HIPK2: variants seen among roughly 807,000 people sequenced by gnomAD.
HIPK2 encodes the protein homeodomain-interacting protein kinase 2.
A neutral mutation model predicts 113.7 loss-of-function variants in HIPK2; 27 were observed. The ratio of observed to expected loss-of-function variants is 0.24; its 90% CI spans 0.17 to 0.33. The LOEUF (loss-of-function observed/expected upper bound fraction) is 0.33, where lower values mean the gene tolerates loss of function less well. Ranked by LOEUF, HIPK2 falls within the 10% of genes least tolerant of loss-of-function variation. The pLI is 1.00. For missense variants in HIPK2, 1,257 were observed against 1,588.0 expected (o/e 0.79, Z 3.54); for synonymous variants, 631 against 642.2 (o/e 0.98, Z 0.26).
intron 1 of HIPK2, among the ~76,000 whole-genome samples, chr7:139,748,198 C>T (rs931236664): frequency 6.6e-6 from 1 of 152,302 alleles, no homozygotes; most frequent in East Asian, 1.9e-4. Context: ...ATCTGAGCCG[C>T]TTCTCTGCTT....
At position 139,573,020 on chromosome 7, in the gene HIPK2, G is replaced by A; in HGVS notation, c.3504C>T (p.Ala1168=). 1 of 1,612,646 alleles carries A rather than the reference G, an allele frequency of 6.2e-7. No individual in the cohort carries two copies. The highest frequency in any genetic ancestry group is 8.5e-7 in the Non-Finnish European group (1 of 1,179,478). The change falls in exon 15 of 15, where the codon GCC becomes GCT. Residue 1168 remains alanine (A), a synonymous_variant. Transcript: ENST00000406875. ...IHPSQYPAQF[A]HQTYISASPA... is the part of the protein sequence containing the mutation. ...GCGAGGCGCTGATGTAGGTCTGGTG[G>A]GCAAATTGGGCTGGATACTGACTCG... is the stretch of plus-strand genomic sequence containing the variant.
At chr7:139,681,637 T>C (rs1180355511) in intron 2 of HIPK2, among the ~76,000 whole-genome samples, 1 of 152,138 alleles carries the variant, frequency 6.6e-6, no homozygotes, top group Non-Finnish European at 1.5e-5. Flanking sequence ...ACTTTTGCTG[T>C]ACAAGAAAAT....
At chr7:139,760,879 T>C (rs896899685) in intron 1 of HIPK2, among the ~76,000 whole-genome samples, 4 of 152,190 alleles carry the variant, frequency 2.6e-5, no homozygotes, top group African/African-American at 9.7e-5. Context: ...CAAGATGAGC[T>C]TGGGGCATTT....
Position 139,631,081 on chromosome 7 carries a change from T to A in HIPK2, c.1347+84A>T. ...CAGTGCCCTCATTTTGCTGACTGAA[T>A]CAAAAGCTCCCCACTAATGGGTCTA... On this transcript the variant is annotated intron_variant, in intron 4 of 14. Coordinates refer to ENST00000406875, the MANE Select transcript of HIPK2 (RefSeq NM_022740.5). The surrounding 1 kb of genome is among the most constrained non-coding windows in gnomAD (Gnocchi z 4.9). The A allele has an allele frequency of 6.7e-7, 1 of 1,499,626 alleles. No individual in the cohort carries two copies. Among genetic ancestry groups the A allele is most frequent in the African/African-American group, 1.4e-5 (1 of 71,144 alleles). 92.9% of individuals were successfully genotyped at this position (1,499,626 alleles called of 1,614,324 possible).
Position 139,613,302 on chromosome 7 carries a change from T to C in HIPK2, c.2012A>G (p.Lys671Arg). Reference sequence around the variant, plus strand: ...CATTCGCACCGAGTAGCCAGCGTGCTTAGAGGGAGAGGCCTGCAAGCCTGT... The same window carrying C: ...CATTCGCACCGAGTAGCCAGCGTGCCTAGAGGGAGAGGCCTGCAAGCCTGT... ...GFQGLQASPS[K>R]HAGYSVRMEN... Residue 671 changes from lysine to arginine, a missense_variant, in exon 9 of 15, where the codon AAG becomes AGG. This residue lies in a region of HIPK2 where 862 missense variants were observed against 1,004.3 expected (regional missense o/e 0.86). Coordinates refer to ENST00000406875, the MANE Select transcript of HIPK2 (RefSeq NM_022740.5). This position sits in a 1 kb window ranked among gnomAD's most constrained non-coding sequence, Gnocchi z 4.2. 1 of 1,613,552 alleles carries C rather than the reference T, an allele frequency of 6.2e-7. No individual in the cohort carries two copies.
intron 2 of HIPK2, among the ~76,000 whole-genome samples, chr7:139,637,459 C>A (rs892343075): frequency 2.0e-5 from 3 of 152,204 alleles, no homozygotes; most frequent in Admixed American, 1.3e-4. Context: ...CCAGAGTCTT[C>A]GTGGGATGCT....
chr7:139,651,060 G>A (rs892258791), intron 2 of HIPK2, among the ~76,000 whole-genome samples: 3 of 152,214 alleles, frequency 2.0e-5, no homozygotes, highest in African/African-American at 4.8e-5. Context: ...CTGATTGGGC[G>A]TCTCTAAGAG....
chr7:139,623,405 G>A (rs559752633), intron 6 of HIPK2, among the ~76,000 whole-genome samples: 1 of 151,714 alleles, frequency 6.6e-6, no homozygotes, highest in Non-Finnish European at 1.5e-5. Flanking sequence ...AGCTACTCGG[G>A]AGGCTGAGGC....
chr7:139,693,687 A>T (rs958947482), intron 2 of HIPK2, among the ~76,000 whole-genome samples: 1 of 151,700 alleles, frequency 6.6e-6, no homozygotes, highest in Non-Finnish European at 1.5e-5. Context: ...AAGGTATGGG[A>T]TGCTATGATG....
At chr7:139,706,649 A>G (rs1220379644) in intron 2 of HIPK2, among the ~76,000 whole-genome samples, 1 of 152,206 alleles carries the variant, frequency 6.6e-6, no homozygotes, top group East Asian at 1.9e-4. Context: ...CTGCTCTGGA[A>G]TTCTATCTCA....
chr7:139,646,345 A>T (rs932762546), intron 2 of HIPK2, among the ~76,000 whole-genome samples: 5 of 152,022 alleles, frequency 3.3e-5, no homozygotes, highest in African/African-American at 4.8e-5. Context: ...AAAATTTTTT[A>T]AAAAATTAGC....
At chr7:139,624,153 G>A (rs1800340742) in intron 6 of HIPK2, among the ~76,000 whole-genome samples, 1 of 152,026 alleles carries the variant, frequency 6.6e-6, no homozygotes, top group Non-Finnish European at 1.5e-5. Flanking sequence ...CTCCCAAGTA[G>A]CTGGGATTAC....
Position 139,732,973 on chromosome 7 carries a change from G to A in HIPK2, c.20-15958C>T, listed in dbSNP as rs1225993892. Among the ~76,000 whole-genome samples, 3 of 151,832 alleles carry A rather than the reference G, an allele frequency of 2.0e-5. No individual in the cohort carries two copies. The East Asian group carries it at 5.8e-4, about 29-fold the overall frequency. Reference sequence around the variant, plus strand: ...TCATGCGGGTGGTTTCTCAAGAATGGTTTAGCACCATTCATCTTGGTACTG... The same window carrying A: ...TCATGCGGGTGGTTTCTCAAGAATGATTTAGCACCATTCATCTTGGTACTG... On this transcript the variant is annotated intron_variant, in intron 1 of 14. Coordinates refer to ENST00000406875, the MANE Select transcript of HIPK2 (RefSeq NM_022740.5).
In HIPK2 at chr7:139,566,038, C is replaced by T. The variant is rs539576487; in HGVS notation, c.*6889G>A. ...AGCACTACTAAAGCTAGTTGGTATG[C>T]TGGAAAGAAATCTAAAAGGAATTCT... is the stretch of plus-strand genomic sequence containing the variant. On this transcript the variant is annotated 3_prime_UTR_variant, in exon 15 of 15. Transcript: ENST00000406875. The surrounding 1 kb of genome is among the most constrained non-coding windows in gnomAD (Gnocchi z 4.1). 6.6e-6 allele frequency: 1 copy of T among 152,126 alleles called. No homozygotes were observed. The highest frequency in any genetic ancestry group is 1.5e-5 in the Non-Finnish European group (1 of 68,014). The allele number at this position is 152,126 out of a possible 1,614,324, so 9.4% of individuals were successfully genotyped here.
chr7:139,736,635 T>C (rs980352152), intron 1 of HIPK2, among the ~76,000 whole-genome samples: 1 of 152,190 alleles, frequency 6.6e-6, no homozygotes, highest in Non-Finnish European at 1.5e-5. Flanking sequence ...ATACCCTTTG[T>C]TGAAGCTGGG....
At chr7:139,665,849 G>C (rs1464346499) in intron 2 of HIPK2, among the ~76,000 whole-genome samples, 1 of 151,980 alleles carries the variant, frequency 6.6e-6, no homozygotes, top group Non-Finnish European at 1.5e-5. Context: ...TGTCTGTAAT[G>C]TGACTTGTTC....
In HIPK2 at chr7:139,563,533, T is replaced by C. The variant is rs1798007552; in HGVS notation, c.*9394A>G. On this transcript the variant is annotated 3_prime_UTR_variant, in exon 15 of 15. Coordinates refer to ENST00000406875, the MANE Select transcript of HIPK2 (RefSeq NM_022740.5). Reference sequence around the variant, plus strand: ...GCAGAGCCCTTTTTCAGATACAACATACTTACTTTTCAAATGAACAAAAGG... The same window carrying C: ...GCAGAGCCCTTTTTCAGATACAACACACTTACTTTTCAAATGAACAAAAGG... 3.8e-6 allele frequency: 1 copy of C among 266,214 alleles called. No homozygotes were observed. Among genetic ancestry groups the C allele is most frequent in the Non-Finnish European group, 7.0e-6 (1 of 143,514 alleles). 16.5% of individuals were successfully genotyped at this position (266,214 alleles called of 1,614,324 possible).
At chr7:139,708,211 AAAAT>A (rs1481839765) in intron 2 of HIPK2, among the ~76,000 whole-genome samples, 1 of 152,152 alleles carries the variant, frequency 6.6e-6, no homozygotes, top group African/African-American at 2.4e-5. Flanking sequence ...GGATAATAAT[AAAAT>A]AAATAAAGAG....
At chr7:139,634,319 T>C (rs1489955442) in intron 2 of HIPK2, among the ~76,000 whole-genome samples, 1 of 152,016 alleles carries the variant, frequency 6.6e-6, no homozygotes, top group African/African-American at 2.4e-5. Flanking sequence ...GCTGCCAGTG[T>C]TCTGCTTGGC....
Sources: allele counts gnomAD v4.1 joint callset (sites outside exome capture counted in the v4.1 genomes callset), GRCh38; gene constraint gnomAD v4.1.1; regional missense constraint gnomAD v4.1.1; non-coding constraint Gnocchi (gnomAD v3.1); transcripts MANE v1.5; gene names NCBI Gene and HGNC (gene_info 2026-07-23, HGNC 2026-07-21).